Variants in DLEU7 observed in about 807,000 individuals in gnomAD.
DLEU7 encodes the protein deleted in lymphocytic leukemia 7, also known as leukemia-associated protein 7.
Under a neutral mutation model 16.0 loss-of-function variants are expected in DLEU7, and 17 were observed. The ratio of observed to expected loss-of-function variants is 1.06; its 90% CI spans 0.73 to 1.59. The LOEUF (loss-of-function observed/expected upper bound fraction) is 1.59, where lower values mean the gene tolerates loss of function less well. Ranked by LOEUF, DLEU7 falls within the 40% of genes most tolerant of loss-of-function variation. The probability of loss-of-function intolerance (pLI) is 0.00; values close to 1 mark genes in which losing one functional copy is unlikely to be tolerated. For synonymous variants in DLEU7, 113 were observed against 139.8 expected, an observed-to-expected ratio of 0.81 and a Z score of 1.35; for missense variants, 308 against 314.9, an observed-to-expected ratio of 0.98 and a Z score of 0.17.
At chr13:50,810,169 C>T (rs1242978084) in intron 1 of DLEU7, among the ~76,000 whole-genome samples, 11 of 138,552 alleles carry the variant, frequency 7.9e-5, no homozygotes, top group Non-Finnish European at 1.5e-5. Flanking sequence ...CTATACTTTC[C>T]GGAAAAGAAA....
chr13:50,770,415 A>C (rs1418839325), intron 1 of DLEU7, among the ~76,000 whole-genome samples: 3 of 152,148 alleles, frequency 2.0e-5, no homozygotes, highest in Non-Finnish European at 4.4e-5. Context: ...GGTTTTTCAT[A>C]AATAGCTCTT....
chr13:50,806,975 T>TAAAAAA, intron 1 of DLEU7, among the ~76,000 whole-genome samples: 1 of 61,348 alleles, frequency 1.6e-5, no homozygotes, highest in African/African-American at 1.3e-4. Context: ...AGACTCCCTC[T>TAAAAAA]CAAAAAAAAA....
chr13:50,713,061 G>T (rs1873341530), exon 2 of DLEU7: 7 of 738,950 alleles, frequency 9.5e-6, no homozygotes, highest in Admixed American at 5.0e-5. Flanking sequence ...CAGAGACCAT[G>T]CAATTGGAGA....
chr13:50,716,877 T>A (rs921326980), intron 1 of DLEU7, among the ~76,000 whole-genome samples: 1 of 152,184 alleles, frequency 6.6e-6, no homozygotes, highest in African/African-American at 2.4e-5. Flanking sequence ...AATAATTGCC[T>A]CTAGGTAGAG....
At chr13:50,788,315 G>C (rs558257653) in intron 1 of DLEU7, among the ~76,000 whole-genome samples, 52 of 152,252 alleles carry the variant, frequency 3.4e-4, no homozygotes, top group African/African-American at 1.3e-3. Context: ...CCTCCTCTTA[G>C]AGAGGGGGTG....
At chr13:50,771,727 G>A (rs1308070239) in intron 1 of DLEU7, among the ~76,000 whole-genome samples, 2 of 152,164 alleles carry the variant, frequency 1.3e-5, no homozygotes, top group African/African-American at 4.8e-5. Flanking sequence ...GTGCTGAGAA[G>A]AATGTATATT....
In DLEU7 at chr13:50,775,418, A is replaced by G. The variant is rs533171656; in HGVS notation, c.460-62178T>C. Among the ~76,000 whole-genome samples, 14 of 152,314 alleles carry G rather than the reference A, an allele frequency of 9.2e-5. No homozygotes were observed. In the South Asian group the frequency reaches 1.9e-3, roughly 20 times the overall value. On this transcript the variant is annotated intron_variant, in intron 1 of 1. Coordinates refer to the DLEU7 transcript ENST00000400393. ...TTTTAATAGTTTGAGGCATTTTTCA[A>G]GTCTGTCTAACTTATCAGGACTTGA...
intron 1 of DLEU7, among the ~76,000 whole-genome samples, chr13:50,774,429 T>C (rs539340168): frequency 1.3e-5 from 2 of 152,328 alleles, no homozygotes; most frequent in South Asian, 2.1e-4. Flanking sequence ...ATTTTAAAGA[T>C]ATTTTTCCAT....
At chr13:50,829,680 A>G (rs1877200701) in intron 1 of DLEU7, among the ~76,000 whole-genome samples, 1 of 152,218 alleles carries the variant, frequency 6.6e-6, no homozygotes, top group Non-Finnish European at 1.5e-5. Context: ...ATTCTAGTAC[A>G]GTATTTCCTT....
chr13:50,756,322 G>C (rs1874757026), intron 1 of DLEU7, among the ~76,000 whole-genome samples: 1 of 152,148 alleles, frequency 6.6e-6, no homozygotes, highest in Non-Finnish European at 1.5e-5. Flanking sequence ...AGTGAATAGG[G>C]AAGGCCCATC....
chr13:50,762,016 C>A (rs1379718767), intron 1 of DLEU7, among the ~76,000 whole-genome samples: 6 of 151,428 alleles, frequency 4.0e-5, no homozygotes, highest in Admixed American at 6.6e-5. Flanking sequence ...TGGTGAAACC[C>A]CATCTCTACT....
At chr13:50,737,305 A>G (rs1193722571) in intron 1 of DLEU7, among the ~76,000 whole-genome samples, 1 of 152,216 alleles carries the variant, frequency 6.6e-6, no homozygotes, top group Non-Finnish European at 1.5e-5. Context: ...TATCCTAGGA[A>G]TTCAAGATCA....
chr13:50,841,085 G>A (rs1404962322), intron 1 of DLEU7, among the ~76,000 whole-genome samples: 1 of 152,176 alleles, frequency 6.6e-6, no homozygotes, highest in Non-Finnish European at 1.5e-5. Context: ...TTGCCACTGA[G>A]TTGGGTCAAG....
chr13:50,816,998 C>G (rs183767245), intron 1 of DLEU7, among the ~76,000 whole-genome samples: 1 of 152,232 alleles, frequency 6.6e-6, no homozygotes, highest in Non-Finnish European at 1.5e-5. Flanking sequence ...GCAGAACCTC[C>G]TCTCTCCCTT....
intron 1 of DLEU7, among the ~76,000 whole-genome samples, chr13:50,837,253 G>A (rs1342568083): frequency 3.3e-5 from 5 of 152,202 alleles, no homozygotes; most frequent in African/African-American, 9.6e-5. Context: ...AAGCACTTTT[G>A]TGATGGGTAT....
chr13:50,811,674 G>A (rs1034815295), intron 1 of DLEU7, among the ~76,000 whole-genome samples: 3 of 152,134 alleles, frequency 2.0e-5, no homozygotes, highest in African/African-American at 7.2e-5. Context: ...AAGTAGGAAA[G>A]CCTAGCTGCC....
intron 1 of DLEU7, among the ~76,000 whole-genome samples, chr13:50,827,173 G>A (rs969291902): frequency 2.0e-5 from 3 of 152,114 alleles, no homozygotes; most frequent in East Asian, 1.9e-4. Context: ...AATGAATGAC[G>A]GTTCATTTTG....
intron 1 of DLEU7, among the ~76,000 whole-genome samples, chr13:50,737,958 T>C (rs2137722362): frequency 6.6e-6 from 1 of 152,254 alleles, no homozygotes. Flanking sequence ...AAAAAATTCC[T>C]GAAGCAATTT....
At chr13:50,736,671 C>T (rs1874079586) in intron 1 of DLEU7, among the ~76,000 whole-genome samples, 1 of 151,390 alleles carries the variant, frequency 6.6e-6, no homozygotes, top group Non-Finnish European at 1.5e-5. Flanking sequence ...ACAATAATTT[C>T]AAAGTAAATA....
Sources: gnomAD v4.1 joint callset for allele counts (sites outside exome capture counted in the v4.1 genomes callset) on GRCh38, gnomAD v4.1.1 for gene constraint, MANE v1.5 for transcripts, NCBI Gene and HGNC (gene_info 2026-07-23, HGNC 2026-07-21) for gene names.